The following SCN9A variants were observed in gnomAD, a reference collection of about 807,000 sequenced individuals.
SCN9A encodes the protein sodium channel protein type 9 subunit alpha.
In SCN9A, 131 loss-of-function variants were observed where a neutral mutation model predicts 187.0. The ratio of observed to expected loss-of-function variants is 0.70; its 90% CI spans 0.61 to 0.81. The LOEUF (loss-of-function observed/expected upper bound fraction) is 0.81, where lower values mean the gene tolerates loss of function less well. SCN9A is among the 30% of genes least tolerant of loss of function. The probability of loss-of-function intolerance (pLI) is 0.00; values close to 1 mark genes in which losing one functional copy is unlikely to be tolerated. For synonymous variants in SCN9A, 809 were observed against 808.6 expected (o/e 1.00, Z -0.01); for missense variants, 2,252 against 2,396.6 (o/e 0.94, Z 1.26).
intron 21 of SCN9A, among the ~76,000 whole-genome samples, chr2:166,232,124 A>C (rs751584902): frequency 6.6e-6 from 1 of 152,152 alleles, no homozygotes; most frequent in Non-Finnish European, 1.5e-5. Flanking sequence ...ATAAAATAGC[A>C]GGTATAAATC....
chr2:166,341,117 TGGGCTGG>T (rs200441726), intron 1 of SCN9A, among the ~76,000 whole-genome samples: 2,305 of 152,266 alleles, frequency 0.015, 58 homozygotes, highest in African/African-American at 0.052. Context: ...AGTTGAAAAC[TGGGCTGG>T]GGAACAAATG....
In SCN9A at chr2:166,198,532, A is replaced by G; in HGVS notation, c.*140T>C. 1.6e-6 allele frequency: 1 copy of G among 637,750 alleles called. No homozygotes were observed. The highest frequency in any genetic ancestry group is 2.2e-5 in the South Asian group (1 of 45,962). The allele number at this position is 637,750 out of a possible 1,614,324, so 39.5% of individuals were successfully genotyped here. ...TCTGCTAATGCTGCCCACCTTTCTTAGGAAATCAGAGTTAGTGACTGCACT... is the reference window on the plus strand; with the variant it reads ...TCTGCTAATGCTGCCCACCTTTCTTGGGAAATCAGAGTTAGTGACTGCACT... On this transcript the variant is annotated 3_prime_UTR_variant, in exon 27 of 27. Transcript: ENST00000642356.
At position 166,293,381 on chromosome 2, in the gene SCN9A, G is replaced by C. The variant is rs200890866; in HGVS notation, c.966-9C>G. ...ACCCCTCTGGACACTGACTACACACGAGAAAGAACATTATAGGTGAGAGTG... is the reference window on the plus strand; with the variant it reads ...ACCCCTCTGGACACTGACTACACACCAGAAAGAACATTATAGGTGAGAGTG... On this transcript the variant is annotated splice_polypyrimidine_tract_variant and intron_variant, in intron 8 of 26. Coordinates refer to ENST00000642356, the MANE Select transcript of SCN9A (RefSeq NM_001365536.1). 1 of 1,597,364 alleles carries C rather than the reference G, an allele frequency of 6.3e-7. No individual in the cohort carries two copies. The highest frequency in any genetic ancestry group is 8.5e-7 in the Non-Finnish European group (1 of 1,171,068).
chr2:166,249,606 A>G (rs901644637), intron 18 of SCN9A, among the ~76,000 whole-genome samples: 1 of 152,110 alleles, frequency 6.6e-6, no homozygotes, highest in African/African-American at 2.4e-5. Flanking sequence ...ATGTGTTTCC[A>G]TAATATTTCT....
At position 166,284,339 on chromosome 2, in the gene SCN9A, A is replaced by G. The variant is rs1029750857; in HGVS notation, c.1974+114T>C. The G allele has an allele frequency of 5.7e-6, 7 of 1,231,748 alleles. No homozygotes were observed. The Admixed American group carries it at 1.2e-4, about 22-fold the overall frequency. 76.3% of individuals were successfully genotyped at this position (1,231,748 alleles called of 1,614,324 possible). A position where few individuals can be genotyped will look rare whatever the true frequency, so the allele number is the denominator to read the frequency against. On this transcript the variant is annotated intron_variant, in intron 12 of 26. Coordinates refer to ENST00000642356, the MANE Select transcript of SCN9A (RefSeq NM_001365536.1). ...ATCAAAGGTGTGTTCCTATAGAAAAAGTATTGCAAAATGCAGAGCCATTCA... is the reference window on the plus strand; with the variant it reads ...ATCAAAGGTGTGTTCCTATAGAAAAGGTATTGCAAAATGCAGAGCCATTCA...
At chr2:166,360,709 A>G (rs1700263636) in intron 1 of SCN9A, among the ~76,000 whole-genome samples, 1 of 152,210 alleles carries the variant, frequency 6.6e-6, no homozygotes, top group South Asian at 2.1e-4. Context: ...TCTGTCTTAT[A>G]AAGTTATCAT....
intron 18 of SCN9A, among the ~76,000 whole-genome samples, chr2:166,244,088 A>G (rs964916887): frequency 6.6e-5 from 10 of 152,074 alleles, no homozygotes; most frequent in African/African-American, 2.2e-4. Context: ...TGAAAACCAC[A>G]GGAGGAGGAG....
intron 17 of SCN9A, among the ~76,000 whole-genome samples, chr2:166,258,498 C>A (rs1428146627): frequency 6.6e-6 from 1 of 151,406 alleles, no homozygotes; most frequent in Non-Finnish European, 1.5e-5. Context: ...TTAACTGATG[C>A]ATTTTATATA....
chr2:166,293,870 CTT>C (rs1698185884), intron 8 of SCN9A, among the ~76,000 whole-genome samples: 1 of 152,140 alleles, frequency 6.6e-6, no homozygotes, highest in African/African-American at 2.4e-5. Context: ...AAATGTGCAG[CTT>C]TAAGACTTTT....
In SCN9A at chr2:166,199,303, A is replaced by G; in HGVS notation, c.5336T>C (p.Phe1779Ser). Residue 1779 changes from phenylalanine (F) to serine (S), a missense_variant, in exon 27 of 27, where the codon TTT becomes TCT. This residue lies in a region of SCN9A where 345 missense variants were observed against 344.6 expected (regional missense o/e 1.00). Coordinates refer to ENST00000642356, the MANE Select transcript of SCN9A (RefSeq NM_001365536.1). ...CTCCCAAACCTCATAGAACATCTCA[A>G]AGTCATCCTCACTCAGAGGTTCAGT... ...ESTEPLSEDD[F>S]EMFYEVWEKF... The G allele has an allele frequency of 6.2e-7, 1 of 1,614,230 alleles. No individual in the cohort carries two copies. Among genetic ancestry groups the G allele is most frequent in the Non-Finnish European group, 8.5e-7 (1 of 1,180,044 alleles).
chr2:166,214,500 T>A (rs1470823315), intron 24 of SCN9A, among the ~76,000 whole-genome samples: 1 of 114,626 alleles, frequency 8.7e-6, no homozygotes, highest in Non-Finnish European at 1.6e-5. Context: ...CTCTACAATC[T>A]TTCTTTTTTT....
intron 8 of SCN9A, 69 bp downstream of exon 8, chr2:166,294,530 C>A: frequency 8.5e-7 from 1 of 1,173,576 alleles, no homozygotes; most frequent in South Asian, 1.4e-5. Flanking sequence ...GACTAATTTG[C>A]AAACTGACTG....
chr2:166,199,246 T>C lies in SCN9A; in HGVS notation c.5393A>G (p.Glu1798Gly), dbSNP rs200745478. The change falls in exon 27 of 27, where the codon GAG becomes GGG. Residue 1798 changes from glutamate (E) to glycine (G), a missense_variant. Coordinates refer to ENST00000642356, the MANE Select transcript of SCN9A (RefSeq NM_001365536.1). ...TGCAAAATCAGAGAGTTTAGAGAAC[T>C]CTATAAACTGGGTCGCATCGGGATC... is the stretch of plus-strand genomic sequence containing the variant. ...KFDPDATQFI[E>G]FSKLSDFAAA... The C allele has an allele frequency of 5.6e-6, 9 of 1,614,160 alleles. No individual in the cohort carries two copies. Among genetic ancestry groups the C allele is most frequent in the Non-Finnish European group, 6.8e-6 (8 of 1,180,028 alleles).
At chr2:166,366,557 G>A (rs762349561) in intron 1 of SCN9A, among the ~76,000 whole-genome samples, 1 of 151,988 alleles carries the variant, frequency 6.6e-6, no homozygotes, top group Non-Finnish European at 1.5e-5. Context: ...TTAATTTTTT[G>A]AGGAACTTCC....
intron 1 of SCN9A, among the ~76,000 whole-genome samples, chr2:166,314,802 G>A (rs546746556): frequency 6.6e-6 from 1 of 152,280 alleles, no homozygotes; most frequent in East Asian, 1.9e-4. Context: ...GGGTGTAATA[G>A]GAAGTGATTA....
chr2:166,300,833 T>G (rs2106518201), intron 7 of SCN9A: 1 of 151,064 alleles, frequency 6.6e-6, no homozygotes, highest in South Asian at 2.1e-4. Flanking sequence ...TAGCTAATTG[T>G]CATGCATTCA....
At chr2:166,331,653 C>T (rs2105264858) in intron 1 of SCN9A, among the ~76,000 whole-genome samples, 1 of 152,200 alleles carries the variant, frequency 6.6e-6, no homozygotes, top group East Asian at 1.9e-4. Flanking sequence ...TTACACAATC[C>T]AAGAATTTAT....
At chr2:166,336,628 C>A (rs1359405811) in intron 1 of SCN9A, among the ~76,000 whole-genome samples, 1 of 152,036 alleles carries the variant, frequency 6.6e-6, no homozygotes, top group Admixed American at 6.6e-5. Flanking sequence ...TTACTTGCTC[C>A]TTTGGCTCTA....
chr2:166,206,478 C>T (rs1275164378), intron 24 of SCN9A, among the ~76,000 whole-genome samples: 1 of 152,064 alleles, frequency 6.6e-6, no homozygotes, highest in Non-Finnish European at 1.5e-5. Context: ...AACACATGGA[C>T]ACAGGGAGGG....
Sources: allele counts gnomAD v4.1 joint callset (sites outside exome capture counted in the v4.1 genomes callset), GRCh38; gene constraint gnomAD v4.1.1; regional missense constraint gnomAD v4.1.1; transcripts MANE v1.5; gene names NCBI Gene and HGNC (gene_info 2026-07-23, HGNC 2026-07-21).